EXPH5: variants seen among roughly 807,000 people sequenced by gnomAD.
EXPH5 encodes exophilin 5.
In EXPH5, 42 loss-of-function variants were observed where a neutral mutation model predicts 41.1. The ratio of observed to expected loss-of-function variants is 1.02; its 90% CI spans 0.80 to 1.32. The LOEUF (loss-of-function observed/expected upper bound fraction) is 1.32, where lower values mean the gene tolerates loss of function less well. Ranked by LOEUF, EXPH5 falls within the 40% of genes most tolerant of loss-of-function variation. The probability of loss-of-function intolerance (pLI) is 0.00; values close to 1 mark genes in which losing one functional copy is unlikely to be tolerated. For missense variants in EXPH5, 2,298 were observed against 2,314.5 expected (o/e 0.99, Z 0.15); for synonymous variants, 798 against 833.5 (o/e 0.96, Z 0.73).
chr11:108,589,966 G>A (rs1305751920), intron 1 of EXPH5, among the ~76,000 whole-genome samples: 2 of 152,108 alleles, frequency 1.3e-5, no homozygotes, highest in African/African-American at 4.8e-5. Flanking sequence ...CCTAATAAAT[G>A]TTAGCTGTCG....
chr11:108,570,654 C>T (rs2640750), intron 1 of EXPH5, among the ~76,000 whole-genome samples: 70,412 of 151,980 alleles, frequency 0.46, 16,561 homozygotes, highest in Admixed American at 0.5. Context: ...AGCGATTCTG[C>T]CACCTCAGCC....
At chr11:108,545,642 G>A (rs999496523) in intron 1 of EXPH5, among the ~76,000 whole-genome samples, 1 of 152,078 alleles carries the variant, frequency 6.6e-6, no homozygotes, top group Non-Finnish European at 1.5e-5. Flanking sequence ...GGTTGCTCTT[G>A]TCTGTAATCC....
chr11:108,552,843 G>C (rs1246709743), intron 1 of EXPH5, among the ~76,000 whole-genome samples: 1 of 152,158 alleles, frequency 6.6e-6, no homozygotes. Flanking sequence ...CTGAGCTCAG[G>C]AGGTCAAGGC....
At chr11:108,577,423 T>G (rs2094083468) in intron 1 of EXPH5, among the ~76,000 whole-genome samples, 1 of 152,022 alleles carries the variant, frequency 6.6e-6, no homozygotes, top group African/African-American at 2.4e-5. Flanking sequence ...TATTTATTTA[T>G]TTTTTGTTTT....
At position 108,509,720 on chromosome 11, in the gene EXPH5, AG is replaced by A. The variant is rs749309384; in HGVS notation, c.5786del (p.Pro1929LeufsTer8). The A allele has an allele frequency of 2.4e-5, 39 of 1,609,238 alleles. 1 individual carries two copies. Among genetic ancestry groups the A allele is most frequent in the Middle Eastern group, 1.7e-4 (1 of 6,044 alleles). On this transcript the variant is annotated frameshift_variant, in exon 6 of 6. Coordinates refer to ENST00000265843, the MANE Select transcript of EXPH5 (RefSeq NM_015065.3). LOFTEE classifies it high-confidence loss of function. ...PGFLKDDLRN[P>X]PNPSESLSSN... ...AGCTTAATGACTCTGAGGGGTTGGG[AG>A]GGTTCCTCAAATCATCTTTTAGGAA...
rs116742815 is a variant in EXPH5, at chr11:108,514,781, G to C, written c.726C>G (p.Phe242Leu). ...TGTTACCACTGGAATAAAAGTGACC[G>C]AACTGTGTTCTTGATCCATAGTTGA... ...TPLNYGSRTQ[F>L]GHFYSSGNRH... Residue 242 changes from phenylalanine to leucine, a missense_variant, in exon 6 of 6, where the codon TTC (phenylalanine) becomes TTG (leucine). Phe to Leu is a conservative substitution (Grantham distance 22). Transcript: ENST00000265843. 2.7e-4 allele frequency: 430 copies of C among 1,608,784 alleles called. 1 individual carries two copies. The African/African-American group carries it at 5.1e-3, about 19-fold the overall frequency.
intron 3 of EXPH5, among the ~76,000 whole-genome samples, chr11:108,529,652 C>G (rs1211725762): frequency 6.6e-6 from 1 of 152,048 alleles, no homozygotes; most frequent in African/African-American, 2.4e-5. Flanking sequence ...CGAGACCAGC[C>G]TGACCAACAT....
chr11:108,604,601 A>G, the EXPH5 span, among the ~76,000 whole-genome samples: 1 of 152,144 alleles, frequency 6.6e-6, no homozygotes, highest in African/African-American at 2.4e-5. Context: ...TCTATAAGTA[A>G]GTGTCCTGGT....
At chr11:108,604,865 A>G in the EXPH5 span, among the ~76,000 whole-genome samples, 1 of 152,198 alleles carries the variant, frequency 6.6e-6, no homozygotes, top group East Asian at 1.9e-4. Flanking sequence ...GAACACTCAC[A>G]TAAAGGTCTG....
rs2093684423 is a variant in EXPH5, at chr11:108,511,827, T to C, written c.3680A>G (p.His1227Arg). 3 of 1,595,816 alleles carry C rather than the reference T, an allele frequency of 1.9e-6. No individual in the cohort carries two copies. The highest frequency in any genetic ancestry group is 1.7e-4 in the Middle Eastern group (1 of 5,928). The change falls in exon 6 of 6, where the codon CAT (histidine) becomes CGT (arginine). Residue 1227 changes from histidine (H) to arginine (R), a missense_variant. Physicochemically the swap from His to Arg is conservative, Grantham distance 29 (BLOSUM62 0). Coordinates refer to ENST00000265843, the MANE Select transcript of EXPH5 (RefSeq NM_015065.3). ...LSGKERGKTL[H>R]KVKTTSTFSV... is the part of the protein sequence containing the mutation. ...AAACGTACTAGTCGTCTTAACTTTA[T>C]GTAATGTTTTCCCACGTTCTTTTCC...
intron 1 of EXPH5, among the ~76,000 whole-genome samples, chr11:108,542,236 C>A (rs1348000470): frequency 1.3e-5 from 2 of 152,064 alleles, no homozygotes; most frequent in African/African-American, 4.8e-5. Context: ...ATGGGCTAAA[C>A]TTGACTTAAT....
At chr11:108,548,964 T>C (rs2093951477) in intron 1 of EXPH5, among the ~76,000 whole-genome samples, 1 of 151,950 alleles carries the variant, frequency 6.6e-6, no homozygotes, top group African/African-American at 2.4e-5. Flanking sequence ...AGATAACATT[T>C]GTTTGTAAAC....
upstream of EXPH5, among the ~76,000 whole-genome samples, chr11:108,593,981 G>A (rs549593787): frequency 6.6e-5 from 10 of 152,194 alleles, no homozygotes; most frequent in South Asian, 1.0e-3. Context: ...TGGCGCCAAA[G>A]TATTTGCTTT....
the EXPH5 span, among the ~76,000 whole-genome samples, chr11:108,606,878 T>A: frequency 6.6e-6 from 1 of 152,222 alleles, no homozygotes; most frequent in Non-Finnish European, 1.5e-5. Flanking sequence ...CTTACAGATT[T>A]TTTTAAAATT....
intron 1 of EXPH5, among the ~76,000 whole-genome samples, chr11:108,542,087 C>T (rs1424666695): frequency 6.6e-6 from 1 of 152,010 alleles, no homozygotes; most frequent in Admixed American, 6.6e-5. Flanking sequence ...ACCATGTTGC[C>T]CAGGCTGGTC....
At chr11:108,569,847 A>AGAC (rs2094052248) in intron 1 of EXPH5, among the ~76,000 whole-genome samples, 1 of 125,892 alleles carries the variant, frequency 7.9e-6, no homozygotes, top group Non-Finnish European at 1.8e-5. Context: ...AGGTGCCTAG[A>AGAC]CCTCTGACTC....
intron 1 of EXPH5, chr11:108,568,168 C>A (rs1241625016): frequency 9.3e-6 from 1 of 107,492 alleles, no homozygotes; most frequent in Non-Finnish European, 1.9e-5. Context: ...AAGTGTCTTA[C>A]TTTTTTTGGG....
At chr11:108,597,248 A>C (rs1261635862), upstream of EXPH5, among the ~76,000 whole-genome samples, 1 of 152,136 alleles carries the variant, frequency 6.6e-6, no homozygotes. Flanking sequence ...GCCAGGCTGG[A>C]GTGCAGTGGC....
chr11:108,593,698 C>G lies in EXPH5; in HGVS notation c.-162G>C. 6.5e-7 allele frequency: 1 copy of G among 1,546,164 alleles called. No homozygotes were observed. The highest frequency in any genetic ancestry group is 8.7e-7 in the Non-Finnish European group (1 of 1,148,882). On this transcript the variant is annotated 5_prime_UTR_variant, in exon 1 of 6. Transcript: ENST00000265843. Reference sequence around the variant, plus strand: ...ACCACAAACCTAGGGAACGCCCACACCTGAAGGGCTCATATTGACAATACC... The same window carrying G: ...ACCACAAACCTAGGGAACGCCCACAGCTGAAGGGCTCATATTGACAATACC...
Sources: gnomAD v4.1 joint callset for allele counts (sites outside exome capture counted in the v4.1 genomes callset) on GRCh38, gnomAD v4.1.1 for gene constraint, MANE v1.5 for transcripts, NCBI Gene and HGNC (gene_info 2026-07-23, HGNC 2026-07-21) for gene names.